CIT: variants seen among roughly 807,000 people sequenced by gnomAD.
CIT encodes citron rho-interacting serine/threonine kinase.
CIT carries 79 observed loss-of-function variants against 272.7 expected under a neutral mutation model. The observed-to-expected ratio is 0.29, with a 90% CI of 0.24 to 0.35. The LOEUF is 0.35. Ranked by LOEUF, CIT falls within the 10% of genes least tolerant of loss-of-function variation. CIT has a pLI of 1.00. For missense variants in CIT, 1,909 were observed against 2,618.3 expected, an observed-to-expected ratio of 0.73 and a Z score of 5.91; for synonymous variants, 948 against 995.6, an observed-to-expected ratio of 0.95 and a Z score of 0.90.
chr12:119,834,497 C>A (rs990575431), intron 5 of CIT, among the ~76,000 whole-genome samples: 1 of 152,162 alleles, frequency 6.6e-6, no homozygotes, highest in South Asian at 2.1e-4. Flanking sequence ...TGAATTAAAT[C>A]CACCCACTTT....
At chr12:119,856,892 C>T (rs932931928) in intron 4 of CIT, among the ~76,000 whole-genome samples, 1 of 152,222 alleles carries the variant, frequency 6.6e-6, no homozygotes, top group Admixed American at 6.5e-5. Flanking sequence ...GGTACATTAT[C>T]AGACATATCA....
intron 2 of CIT, among the ~76,000 whole-genome samples, chr12:119,869,763 T>C (rs566421606): frequency 6.6e-6 from 1 of 152,312 alleles, no homozygotes; most frequent in Admixed American, 6.5e-5. Flanking sequence ...TAAGATAATT[T>C]GAATTATCTG....
chr12:119,838,855 AG>A (rs1969206507), intron 5 of CIT, among the ~76,000 whole-genome samples: 1 of 152,202 alleles, frequency 6.6e-6, no homozygotes, highest in Non-Finnish European at 1.5e-5. Context: ...GAGCAGCTGC[AG>A]GTCACCCAAA....
chr12:119,794,752 G>A (rs1012284500), intron 10 of CIT, among the ~76,000 whole-genome samples: 5 of 152,304 alleles, frequency 3.3e-5, no homozygotes, highest in Middle Eastern at 3.4e-3. Flanking sequence ...TTTATAAGGC[G>A]GAAGCAGGGA....
intron 40 of CIT, among the ~76,000 whole-genome samples, chr12:119,704,999 A>G (rs1593406980): frequency 6.6e-6 from 1 of 151,934 alleles, no homozygotes; most frequent in African/African-American, 2.4e-5. Context: ...TGCAGCCTCC[A>G]CCTCCCGGCT....
At position 119,832,854 on chromosome 12, in the gene CIT, G is replaced by T. The variant is rs1968742288; in HGVS notation, c.670C>A (p.Pro224Thr). The T allele has an allele frequency of 6.2e-7, 1 of 1,613,180 alleles. No homozygotes were observed. Among genetic ancestry groups the T allele is most frequent in the African/African-American group, 1.3e-5 (1 of 74,906 alleles). The change falls in exon 7 of 48, where the codon CCT becomes ACT. Residue 224 changes from proline to threonine, a missense_variant. Physicochemically the swap from Pro to Thr is conservative, Grantham distance 38. Transcript: ENST00000392521. The stretch of plus-strand genomic sequence containing the variant: ...GTGCGGTCAACGAGAATGTTCTCAG[G>T]CTTGATGTCTCTGTAAGAAAATCAG... ...LMGYVHRDIKPENILVDRTGH... is the reference protein window; with the variant it reads ...LMGYVHRDIKTENILVDRTGH...
At chr12:119,797,905 A>G (rs531947649) in intron 10 of CIT, among the ~76,000 whole-genome samples, 81 of 152,324 alleles carry the variant, frequency 5.3e-4, no homozygotes, top group African/African-American at 1.9e-3. Context: ...ACAAAATGAG[A>G]GTTGCAGCCA....
At chr12:119,696,230 A>G (rs1956215299) in intron 46 of CIT, among the ~76,000 whole-genome samples, 1 of 152,208 alleles carries the variant, frequency 6.6e-6, no homozygotes, top group Non-Finnish European at 1.5e-5. Context: ...TAGATTATCA[A>G]TTCAAAAAGA....
chr12:119,795,333 G>A (rs960752156), intron 10 of CIT, among the ~76,000 whole-genome samples: 5 of 152,190 alleles, frequency 3.3e-5, no homozygotes, highest in African/African-American at 1.2e-4. Context: ...GTTGCAATAA[G>A]CTGAGATTGT....
intron 4 of CIT, among the ~76,000 whole-genome samples, chr12:119,854,780 CT>C (rs750563945): frequency 2.5e-4 from 38 of 152,022 alleles, no homozygotes; most frequent in Non-Finnish European, 4.1e-4. Flanking sequence ...GAAACCCCCC[CT>C]CTGCACTAAA....
chr12:119,751,997 C>A, intron 23 of CIT, 53 bp downstream of exon 23: 1 of 1,505,702 alleles, frequency 6.6e-7, no homozygotes, highest in Non-Finnish European at 9.1e-7. Context: ...CAGTTCCACA[C>A]TCATCCTAGC....
At chr12:119,736,327 T>C (rs1031291311) in intron 24 of CIT, among the ~76,000 whole-genome samples, 9 of 152,210 alleles carry the variant, frequency 5.9e-5, no homozygotes, top group Non-Finnish European at 1.2e-4. Context: ...ATTTCGTTTA[T>C]GAAATGTTGC....
At chr12:119,725,608 G>A (rs897968313) in intron 28 of CIT, among the ~76,000 whole-genome samples, 1 of 152,120 alleles carries the variant, frequency 6.6e-6, no homozygotes, top group Non-Finnish European at 1.5e-5. Flanking sequence ...ATCTGCCTCC[G>A]GCTCAATGTC....
chr12:119,695,917 G>A (rs1461877056), intron 46 of CIT, among the ~76,000 whole-genome samples: 1 of 152,164 alleles, frequency 6.6e-6, no homozygotes, highest in African/African-American at 2.4e-5. Context: ...ATACTATATT[G>A]TTTAGGGAAT....
At chr12:119,815,020 AGAG>A (rs1255392505) in intron 9 of CIT, among the ~76,000 whole-genome samples, 1 of 148,600 alleles carries the variant, frequency 6.7e-6, no homozygotes, top group Non-Finnish European at 1.5e-5. Flanking sequence ...CCTGGCTGAC[AGAG>A]GAAGACTCTG....
At chr12:119,755,440 G>A (rs532262828) in intron 22 of CIT, among the ~76,000 whole-genome samples, 1 of 152,172 alleles carries the variant, frequency 6.6e-6, no homozygotes. Context: ...ACCTCAGACC[G>A]CTGTCTGCTT....
At chr12:119,824,038 CA>C (rs33990395) in intron 8 of CIT, among the ~76,000 whole-genome samples, 56 of 50,694 alleles carry the variant, frequency 1.1e-3, no homozygotes, top group African/African-American at 2.2e-3. Context: ...GACTCCATCT[CA>C]AAAAAAAAAA....
At chr12:119,824,794 T>C (rs1259498857) in intron 8 of CIT, among the ~76,000 whole-genome samples, 1 of 152,092 alleles carries the variant, frequency 6.6e-6, no homozygotes, top group African/African-American at 2.4e-5. Flanking sequence ...TGGTTTTTTG[T>C]TTTGTTTTGT....
At chr12:119,735,586 C>T (rs961117011) in intron 24 of CIT, among the ~76,000 whole-genome samples, 1 of 152,140 alleles carries the variant, frequency 6.6e-6, no homozygotes, top group African/African-American at 2.4e-5. Context: ...ACTCAGGACA[C>T]ATCTAAAAAA....
Sources: gnomAD v4.1 joint callset for allele counts (sites outside exome capture counted in the v4.1 genomes callset) on GRCh38, gnomAD v4.1.1 for gene constraint, MANE v1.5 for transcripts, NCBI Gene and HGNC (gene_info 2026-07-23, HGNC 2026-07-21) for gene names.